The following KIAA0408 variants were observed in gnomAD, a reference collection of about 807,000 sequenced individuals.
KIAA0408 encodes the protein KIAA0408.
In KIAA0408, 51 loss-of-function variants were observed where a neutral mutation model predicts 60.9. That is an observed-to-expected ratio of 0.84 (90% confidence interval 0.67 to 1.06). The LOEUF is 1.06. KIAA0408 is among the 50% of genes least tolerant of loss of function. The probability of loss-of-function intolerance (pLI) is 0.00; values close to 1 mark genes in which losing one functional copy is unlikely to be tolerated. For synonymous variants in KIAA0408, 304 were observed against 282.4 expected, an observed-to-expected ratio of 1.08 and a Z score of -0.77; for missense variants, 787 against 833.9, an observed-to-expected ratio of 0.94 and a Z score of 0.69.
Position 127,446,705 on chromosome 6 carries a change from G to C in KIAA0408, c.1614C>G (p.His538Gln). ...AATTACTCGGTCTCCAGTCATGCTC[G>C]TGGAGCATATTTCGATAACTGCGAG... ...LSPRSYRNML[H>Q]EHDWRPSNLS... The change falls in exon 5 of 6, where the codon CAC becomes CAG. Residue 538 changes from histidine to glutamine, a missense_variant. Transcript: ENST00000483725. 2 of 1,613,886 alleles carry C rather than the reference G, an allele frequency of 1.2e-6. No individual in the cohort carries two copies. Among genetic ancestry groups the C allele is most frequent in the Non-Finnish European group, 1.7e-6 (2 of 1,180,000 alleles).
intron 4 of KIAA0408, among the ~76,000 whole-genome samples, chr6:127,447,952 C>T (rs1275489598): frequency 6.6e-6 from 1 of 152,152 alleles, no homozygotes; most frequent in African/African-American, 2.4e-5. Flanking sequence ...CAATGCTCTA[C>T]ACACTCTGAC....
At chr6:127,454,144 T>G (rs1404560272) in intron 1 of KIAA0408, 43 bp from the exon 2 acceptor site, 1 of 1,292,436 alleles carries the variant, frequency 7.7e-7, no homozygotes, top group Non-Finnish European at 9.8e-7. Flanking sequence ...TCCATGTGCT[T>G]TCTGGAAATA....
chr6:127,457,782 G>A (rs1409309775), intron 1 of KIAA0408, among the ~76,000 whole-genome samples: 1 of 152,162 alleles, frequency 6.6e-6, no homozygotes, highest in East Asian at 1.9e-4. Context: ...GCCTCAGTTT[G>A]GTCATGGCAG....
chr6:127,446,642 A>C lies in KIAA0408; in HGVS notation c.1677T>G (p.Asn559Lys). ...GRPRSADPRS[N>K]YGVVEKLLKT... ...TCAGCAGCTTTTCCACAACACCATA[A>C]TTTGACCTGGGATCAGCTGACCTCG... Residue 559 changes from asparagine (N) to lysine (K), a missense_variant, in exon 5 of 6, where the codon AAT (asparagine) becomes AAG (lysine). Physicochemically the swap from Asn to Lys is moderately conservative, Grantham distance 94. Transcript: ENST00000483725. The C allele has an allele frequency of 6.2e-7, 1 of 1,614,020 alleles. No individual in the cohort carries two copies. The highest frequency in any genetic ancestry group is 1.6e-4 in the Middle Eastern group (1 of 6,062).
Position 127,446,407 on chromosome 6 carries a change from C to T in KIAA0408, c.1911+1G>A. On this transcript the variant is annotated splice_donor_variant, in intron 5 of 5. Coordinates refer to ENST00000483725, the MANE Select transcript of KIAA0408 (RefSeq NM_014702.5). LOFTEE classifies it high-confidence loss of function. ...AAATTATGTTATATTTGCTTTCTCA[C>T]CTCTGTTATCTTTTTCGGATCTATT... The T allele has an allele frequency of 6.2e-7, 1 of 1,601,612 alleles. No homozygotes were observed. The highest frequency in any genetic ancestry group is 8.5e-7 in the Non-Finnish European group (1 of 1,171,040).
chr6:127,443,423 T>A lies in KIAA0408; in HGVS notation c.*686A>T, dbSNP rs1197204110. On this transcript the variant is annotated 3_prime_UTR_variant, in exon 6 of 6. Transcript: ENST00000483725. ...TTTTATGCTTGCTTTACAAGGCTGATCTATTAAACTTGTGACATTTTTATT... is the reference window on the plus strand; with the variant it reads ...TTTTATGCTTGCTTTACAAGGCTGAACTATTAAACTTGTGACATTTTTATT... The A allele has an allele frequency of 6.6e-6, 1 of 152,194 alleles. No individual in the cohort carries two copies. The highest frequency in any genetic ancestry group is 1.5e-5 in the Non-Finnish European group (1 of 68,008). 9.4% of individuals were successfully genotyped at this position (152,194 alleles called of 1,614,324 possible). A position where few individuals can be genotyped will look rare whatever the true frequency, so the allele number is the denominator to read the frequency against.
At chr6:127,456,375 A>C (rs536314454) in intron 1 of KIAA0408, among the ~76,000 whole-genome samples, 102 of 152,194 alleles carry the variant, frequency 6.7e-4, no homozygotes, top group Middle Eastern at 6.8e-3. Context: ...CTTCCATGCT[A>C]CTGTTGAAAG....
rs1391384821 is a variant in KIAA0408, at chr6:127,438,467, T to C, written c.*5642A>G. ...TTGCCATGAGTAAGTAATTGAAAAA[T>C]AAAGCTTCAAAAATAAACTGGCAGC... On this transcript the variant is annotated 3_prime_UTR_variant, in exon 6 of 6. Coordinates refer to ENST00000483725, the MANE Select transcript of KIAA0408 (RefSeq NM_014702.5). The C allele has an allele frequency of 1.3e-5, 2 of 152,094 alleles. No homozygotes were observed. Among genetic ancestry groups the C allele is most frequent in the African/African-American group, 4.8e-5 (2 of 41,416 alleles). 9.4% of individuals were successfully genotyped at this position (152,094 alleles called of 1,614,324 possible). A position where few individuals can be genotyped will look rare whatever the true frequency, so the allele number is the denominator to read the frequency against.
In KIAA0408 at chr6:127,456,558, A is replaced by T. The variant is rs79688101; in HGVS notation, c.-120-2457T>A. On this transcript the variant is annotated intron_variant, in intron 1 of 5. Transcript: ENST00000483725. ...TCATCCCTTAATATGGAGAAGGACC[A>T]ATGTATGGAGCTTTTCCTTTCCAGG... is the stretch of plus-strand genomic sequence containing the variant. 5.3e-4 allele frequency among the ~76,000 whole-genome samples: 80 copies of T among 152,272 alleles called. 1 individual carries two copies. The East Asian group carries it at 0.011, about 20-fold the overall frequency.
In KIAA0408 at chr6:127,447,038, A is replaced by G. The variant is rs778049995; in HGVS notation, c.1281T>C (p.Cys427=). The change falls in exon 5 of 6, where the codon TGT becomes TGC. Residue 427 remains cysteine, a synonymous_variant. Transcript: ENST00000483725. ...CATTCCTTGTAGTCCTTTCAAAGCCACAACTGAAATTTCTAAGTGGGCTAC... is the reference window on the plus strand; with the variant it reads ...CATTCCTTGTAGTCCTTTCAAAGCCGCAACTGAAATTTCTAAGTGGGCTAC... ...ESSSPLRNFS[C]GFERTTRNEK... 1 of 1,613,384 alleles carries G rather than the reference A, an allele frequency of 6.2e-7. No homozygotes were observed. Among genetic ancestry groups the G allele is most frequent in the Non-Finnish European group, 8.5e-7 (1 of 1,179,800 alleles).
At position 127,450,314 on chromosome 6, in the gene KIAA0408, G is replaced by A. The variant is rs747231316; in HGVS notation, c.174C>T (p.Ile58=). 6.2e-7 allele frequency: 1 copy of A among 1,604,710 alleles called. No homozygotes were observed. Among genetic ancestry groups the A allele is most frequent in the Admixed American group, 1.7e-5 (1 of 58,008 alleles). ...GATCAATGATCTTAGCACTTTCATT[G>A]ATATTGATTTTCCTCCAAAGCTTTA... ...REVKLWRKIN[I]NESAKIIDLY... The change falls in exon 3 of 6, where the codon ATC becomes ATT. Residue 58 remains isoleucine, a synonymous_variant. Transcript: ENST00000483725.
At chr6:127,451,365 T>C (rs1342542851) in intron 2 of KIAA0408, 1 of 453,332 alleles carries the variant, frequency 2.2e-6, no homozygotes, top group Non-Finnish European at 4.4e-6. Context: ...ACAAATGTAT[T>C]AGTATTTATT....
intron 5 of KIAA0408, among the ~76,000 whole-genome samples, chr6:127,445,259 T>C (rs189384458): frequency 1.8e-3 from 280 of 152,220 alleles, no homozygotes; most frequent in African/African-American, 6.6e-3. Context: ...AAACTCCCAA[T>C]GAATGCAAAA....
rs1773123679 is a variant in KIAA0408 at position 127,442,592 on chromosome 6, C to CCTTACCAAGTAAGG, written c.*1516_*1517insCCTTACTTGGTAAG. 4 of 152,188 alleles carry CCTTACCAAGTAAGG rather than the reference C, an allele frequency of 2.6e-5. No homozygotes were observed. In the East Asian group the frequency reaches 7.7e-4, roughly 29 times the overall value. The allele number at this position is 152,188 out of a possible 1,614,324, so 9.4% of individuals were successfully genotyped here. A position where few individuals can be genotyped will look rare whatever the true frequency, so the allele number is the denominator to read the frequency against. On this transcript the variant is annotated 3_prime_UTR_variant, in exon 6 of 6. Coordinates refer to ENST00000483725, the MANE Select transcript of KIAA0408 (RefSeq NM_014702.5). ...TACAGTAAAGTATGAATCTAGACATCACCATGCTACAGTCTTGAGCCTTTC... is the reference window on the plus strand; with the variant it reads ...TACAGTAAAGTATGAATCTAGACATCCTTACCAAGTAAGGACCATGCTACAGTCTTGAGCCTTTC...
chr6:127,450,310 C>A lies in KIAA0408; in HGVS notation c.178G>T (p.Glu60Ter). 1 of 1,607,112 alleles carries A rather than the reference C, an allele frequency of 6.2e-7. No homozygotes were observed. Among genetic ancestry groups the A allele is most frequent in the South Asian group, 1.1e-5 (1 of 89,472 alleles). ...VKLWRKININ[E>*]SAKIIDLYHE... is the part of the protein sequence containing the mutation. ...TAAAGATCAATGATCTTAGCACTTTCATTGATATTGATTTTCCTCCAAAGC... is the reference window on the plus strand; with the variant it reads ...TAAAGATCAATGATCTTAGCACTTTAATTGATATTGATTTTCCTCCAAAGC... The change falls in exon 3 of 6, where the codon GAA (glutamate) becomes TAA (stop). Residue 60 changes from glutamate to a stop codon, truncating the protein, a stop_gained. Coordinates refer to ENST00000483725, the MANE Select transcript of KIAA0408 (RefSeq NM_014702.5). LOFTEE classifies it high-confidence loss of function.
In KIAA0408 at chr6:127,446,667, G is replaced by A. The variant is rs767969756; in HGVS notation, c.1652C>T (p.Pro551Leu). The change falls in exon 5 of 6, where the codon CCG becomes CTG. Residue 551 changes from proline (P) to leucine (L), a missense_variant. By Grantham distance (98) the Pro-to-Leu change is moderately conservative. This residue lies in a region of KIAA0408 where 640 missense variants were observed against 681.3 expected (regional missense o/e 0.94). Coordinates refer to ENST00000483725, the MANE Select transcript of KIAA0408 (RefSeq NM_014702.5). ...ATTTGACCTGGGATCAGCTGACCTCGGACGGCCAGACAAATTACTCGGTCT... is the reference window on the plus strand; with the variant it reads ...ATTTGACCTGGGATCAGCTGACCTCAGACGGCCAGACAAATTACTCGGTCT... Reference protein sequence around the residue: ...DWRPSNLSGRPRSADPRSNYG... With the variant: ...DWRPSNLSGRLRSADPRSNYG... The A allele has an allele frequency of 3.7e-6, 6 of 1,613,768 alleles. No individual in the cohort carries two copies. The highest frequency in any genetic ancestry group is 2.2e-5 in the East Asian group (1 of 44,870).
rs773799835 is a variant in KIAA0408 at position 127,446,954 on chromosome 6, A to G, written c.1365T>C (p.Asn455=). The part of the protein sequence containing the change: ...FNRTVFRTDR[N]CQAIQQNHSC... ...TGTGATTTTGCTGTATTGCCTGACA[A>G]TTTCTATCTGTTCTAAATACAGTTC... The change falls in exon 5 of 6, where the codon AAT becomes AAC. Residue 455 remains asparagine (N), a synonymous_variant. Coordinates refer to ENST00000483725, the MANE Select transcript of KIAA0408 (RefSeq NM_014702.5). 3 of 1,613,910 alleles carry G rather than the reference A, an allele frequency of 1.9e-6. No homozygotes were observed. The highest frequency in any genetic ancestry group is 1.1e-5 in the South Asian group (1 of 91,070).
intron 1 of KIAA0408, among the ~76,000 whole-genome samples, chr6:127,454,911 G>A (rs1773365808): frequency 6.6e-6 from 1 of 152,014 alleles, no homozygotes; most frequent in Non-Finnish European, 1.5e-5. Flanking sequence ...CTTCAGGGAC[G>A]TGTACTTAAG....
rs967286162 is a variant in KIAA0408 at position 127,439,820 on chromosome 6, A to G, written c.*4289T>C. 6.6e-6 allele frequency: 1 copy of G among 152,222 alleles called. No homozygotes were observed. Among genetic ancestry groups the G allele is most frequent in the Non-Finnish European group, 1.5e-5 (1 of 68,030 alleles). The allele number at this position is 152,222 out of a possible 1,614,324, so 9.4% of individuals were successfully genotyped here. A position where few individuals can be genotyped will look rare whatever the true frequency, so the allele number is the denominator to read the frequency against. ...GTAAGAAGCAGACAAGTCGTGGAAT[A>G]TGAATTTGCTTTGCAAACAATAAGG... On this transcript the variant is annotated 3_prime_UTR_variant, in exon 6 of 6. Coordinates refer to ENST00000483725, the MANE Select transcript of KIAA0408 (RefSeq NM_014702.5).
Sources: gnomAD v4.1 joint callset for allele counts (sites outside exome capture counted in the v4.1 genomes callset) on GRCh38, gnomAD v4.1.1 for gene constraint, gnomAD v4.1.1 regional missense constraint, MANE v1.5 for transcripts, NCBI Gene and HGNC (gene_info 2026-07-23, HGNC 2026-07-21) for gene names.